The following COL5A2 variants were observed in gnomAD, a reference collection of about 807,000 sequenced individuals.
The protein encoded by COL5A2 is collagen type V alpha 2 chain, also known as collagen alpha-2(V) chain.
COL5A2 carries 23 observed loss-of-function variants against 208.2 expected under a neutral mutation model. The observed-to-expected ratio is 0.11, with a 90% CI of 0.08 to 0.16. The LOEUF (loss-of-function observed/expected upper bound fraction) is 0.16. COL5A2 is among the 10% of genes least tolerant of loss of function. The pLI is 1.00. For missense variants in COL5A2, 1,590 were observed against 1,956.4 expected (o/e 0.81, Z 3.53); for synonymous variants, 625 against 628.5 (o/e 0.99, Z 0.08).
chr2:189,414,482 G>C, the COL5A2 span, among the ~76,000 whole-genome samples: 2 of 151,924 alleles, frequency 1.3e-5, no homozygotes, highest in African/African-American at 4.8e-5. Context: ...TAAGCTGGGC[G>C]CAGTGGTTCT....
At chr2:189,352,504 A>G in the COL5A2 span, among the ~76,000 whole-genome samples, 1 of 152,126 alleles carries the variant, frequency 6.6e-6, no homozygotes, top group Admixed American at 6.5e-5. Context: ...CTGGTGTGAG[A>G]TGGTATCTCA....
chr2:189,201,565 C>T (rs981657406), intron 1 of COL5A2, among the ~76,000 whole-genome samples: 3 of 151,798 alleles, frequency 2.0e-5, no homozygotes, highest in South Asian at 2.1e-4. Context: ...AAGATAATGG[C>T]TAATAATTTT....
chr2:189,375,612 G>A, the COL5A2 span, among the ~76,000 whole-genome samples: 5,538 of 152,154 alleles, frequency 0.036, 117 homozygotes, highest in Admixed American at 0.05. Flanking sequence ...GAGTTTTCCA[G>A]GTACAGTATT....
the COL5A2 span, among the ~76,000 whole-genome samples, chr2:189,268,070 C>T: frequency 6.6e-6 from 1 of 152,080 alleles, no homozygotes; most frequent in African/African-American, 2.4e-5. Context: ...TATCCACTGT[C>T]TTTTTACATT....
the COL5A2 span, among the ~76,000 whole-genome samples, chr2:189,379,097 T>C: frequency 1.3e-5 from 2 of 152,164 alleles, no homozygotes; most frequent in East Asian, 1.9e-4. Flanking sequence ...TTTTGAATAC[T>C]ACAGACCTCT....
Position 189,056,986 on chromosome 2 carries a change from T to C in COL5A2, c.2378A>G (p.Asn793Ser). ...GEKGAEGTAG[N>S]DGARGLPGPL... ...ACTTTCACTTACTCTTGCACCATCA[T>C]TTCCAGCTGTGCCTTCAGCACCTTT... is the stretch of plus-strand genomic sequence containing the variant. Residue 793 changes from asparagine (N) to serine (S), a missense_variant, in exon 35 of 54, where the codon AAT becomes AGT. By Grantham distance (46) the Asn-to-Ser change is conservative. Coordinates refer to ENST00000374866, the MANE Select transcript of COL5A2 (RefSeq NM_000393.5). The C allele has an allele frequency of 6.2e-7, 1 of 1,614,086 alleles. No individual in the cohort carries two copies. The highest frequency in any genetic ancestry group is 2.2e-5 in the East Asian group (1 of 44,870).
chr2:189,126,298 G>T (rs974838996), intron 1 of COL5A2, among the ~76,000 whole-genome samples: 1 of 151,918 alleles, frequency 6.6e-6, no homozygotes. Context: ...AATATTTTGT[G>T]TAATGAGAAG....
chr2:189,417,847 T>C, the COL5A2 span, among the ~76,000 whole-genome samples: 1 of 151,798 alleles, frequency 6.6e-6, no homozygotes, highest in African/African-American at 2.4e-5. Context: ...TATGTGTATA[T>C]ATATATGCAC....
At chr2:189,269,207 A>T in the COL5A2 span, among the ~76,000 whole-genome samples, 1 of 152,158 alleles carries the variant, frequency 6.6e-6, no homozygotes, top group Non-Finnish European at 1.5e-5. Flanking sequence ...TATAGCTAAG[A>T]AATTATTCCT....
chr2:189,107,561 C>A (rs1375995151), intron 2 of COL5A2, among the ~76,000 whole-genome samples: 1 of 151,422 alleles, frequency 6.6e-6, no homozygotes, highest in Non-Finnish European at 1.5e-5. Flanking sequence ...TTTTCTTCCA[C>A]TTACTTTCAG....
the COL5A2 span, among the ~76,000 whole-genome samples, chr2:189,358,388 G>A: frequency 6.6e-6 from 1 of 152,160 alleles, no homozygotes; most frequent in African/African-American, 2.4e-5. Context: ...GAATAATTCT[G>A]ATTTTCAAGT....
intron 1 of COL5A2, among the ~76,000 whole-genome samples, chr2:189,158,437 C>T (rs1688297203): frequency 6.6e-6 from 1 of 151,874 alleles, no homozygotes; most frequent in South Asian, 2.1e-4. Flanking sequence ...CATTAAGAAA[C>T]AATATAAAAC....
chr2:189,125,137 A>G (rs1407196484), intron 1 of COL5A2, among the ~76,000 whole-genome samples: 1 of 152,174 alleles, frequency 6.6e-6, no homozygotes, highest in African/African-American at 2.4e-5. Flanking sequence ...TGACTGGACC[A>G]TATTATCAAA....
Position 189,056,992 on chromosome 2 carries a change from G to C in COL5A2, c.2372C>G (p.Ala791Gly). The part of the protein sequence containing the change: ...GIGEKGAEGT[A>G]GNDGARGLPG... Reference sequence around the variant, plus strand: ...ACTTACTCTTGCACCATCATTTCCAGCTGTGCCTTCAGCACCTTTTTCTCC... The same window carrying C: ...ACTTACTCTTGCACCATCATTTCCACCTGTGCCTTCAGCACCTTTTTCTCC... Residue 791 changes from alanine to glycine, a missense_variant, in exon 35 of 54, where the codon GCT becomes GGT. Physicochemically the swap from Ala to Gly is moderately conservative, Grantham distance 60. Coordinates refer to ENST00000374866, the MANE Select transcript of COL5A2 (RefSeq NM_000393.5). 6.2e-7 allele frequency: 1 copy of C among 1,613,972 alleles called. No individual in the cohort carries two copies. Among genetic ancestry groups the C allele is most frequent in the Non-Finnish European group, 8.5e-7 (1 of 1,179,956 alleles).
chr2:189,315,360 A>G, the COL5A2 span, among the ~76,000 whole-genome samples: 1 of 152,224 alleles, frequency 6.6e-6, no homozygotes, highest in Non-Finnish European at 1.5e-5. Flanking sequence ...TAGATGCAGA[A>G]AGGCTTTTGG....
the COL5A2 span, among the ~76,000 whole-genome samples, chr2:189,371,159 T>A: frequency 6.6e-6 from 1 of 152,116 alleles, no homozygotes; most frequent in Non-Finnish European, 1.5e-5. Flanking sequence ...CCTTCCACCA[T>A]GATTGTAAGC....
the COL5A2 span, among the ~76,000 whole-genome samples, chr2:189,286,270 G>A: frequency 6.6e-6 from 1 of 152,062 alleles, no homozygotes; most frequent in Admixed American, 6.6e-5. Flanking sequence ...GTATTAAAAA[G>A]TTCAAATAGC....
intron 1 of COL5A2, among the ~76,000 whole-genome samples, chr2:189,129,615 T>G (rs1431633622): frequency 6.6e-6 from 1 of 152,030 alleles, no homozygotes; most frequent in Non-Finnish European, 1.5e-5. Flanking sequence ...CTATTTGATT[T>G]CAAAAGGGAC....
Position 189,151,007 on chromosome 2 carries a change from C to CAGTA in COL5A2, c.97+28497_97+28500dup, listed in dbSNP as rs532461236. 1.1e-3 allele frequency among the ~76,000 whole-genome samples: 161 copies of CAGTA among 152,200 alleles called. 1 individual carries two copies. Among genetic ancestry groups the CAGTA allele is most frequent in the African/African-American group, 2.2e-3 (90 of 41,554 alleles). ...TGTTTCCATGCATAAATATGGAGGA[C>CAGTA]AGTAGTCTGTAACGTAATTTGATGA... On this transcript the variant is annotated intron_variant, in intron 1 of 53. Coordinates refer to ENST00000374866, the MANE Select transcript of COL5A2 (RefSeq NM_000393.5).
Sources: allele counts gnomAD v4.1 joint callset (sites outside exome capture counted in the v4.1 genomes callset), GRCh38; gene constraint gnomAD v4.1.1; transcripts MANE v1.5; gene names NCBI Gene and HGNC (gene_info 2026-07-23, HGNC 2026-07-21).